Variants in SLC44A1 observed in about 807,000 individuals in gnomAD.
SLC44A1 encodes solute carrier family 44 member 1, also known as choline transporter-like protein 1.
Under a neutral mutation model 79.3 loss-of-function variants are expected in SLC44A1, and 26 were observed. That is an observed-to-expected ratio of 0.33 (90% confidence interval 0.24 to 0.46). SLC44A1 has a LOEUF of 0.46. Among genes scored for constraint, SLC44A1 ranks in the 20% least tolerant of loss-of-function variants. The pLI is 1.00. For synonymous variants in SLC44A1, 263 were observed against 286.2 expected, an observed-to-expected ratio of 0.92 and a Z score of 0.82; for missense variants, 688 against 798.1, an observed-to-expected ratio of 0.86 and a Z score of 1.66.
Position 105,365,656 on chromosome 9 carries a change from T to C in SLC44A1, c.1410+17T>C, listed in dbSNP as rs1490154181. On this transcript the variant is annotated intron_variant, in intron 11 of 15. Transcript: ENST00000374720. ...AAAGGAAAGGTAAGGGGAAAATGCA[T>C]TTCTGTACTTTCTGTGGGCACATTC... 1 of 1,606,310 alleles carries C rather than the reference T, an allele frequency of 6.2e-7. No individual in the cohort carries two copies. The highest frequency in any genetic ancestry group is 2.2e-5 in the East Asian group (1 of 44,770).
chr9:105,345,422 C>T (rs1397509207), intron 4 of SLC44A1, among the ~76,000 whole-genome samples: 1 of 152,154 alleles, frequency 6.6e-6, no homozygotes, highest in Non-Finnish European at 1.5e-5. Context: ...TTTGAGGTAT[C>T]TGTAGAACGT....
chr9:105,293,023 G>A (rs1011256977), intron 1 of SLC44A1, among the ~76,000 whole-genome samples: 1 of 152,116 alleles, frequency 6.6e-6, no homozygotes, highest in Admixed American at 6.5e-5. Flanking sequence ...AGAGCATGGT[G>A]GTGTGTGCCT....
intron 15 of SLC44A1, among the ~76,000 whole-genome samples, chr9:105,408,110 C>G (rs1030561581): frequency 6.7e-6 from 1 of 149,228 alleles, no homozygotes; most frequent in African/African-American, 2.5e-5. Context: ...GCCGAGATCT[C>G]GCCACTGCAC....
At chr9:105,386,483 A>G in intron 15 of SLC44A1, 2 of 973,210 alleles carry the variant, frequency 2.1e-6, no homozygotes, top group Non-Finnish European at 2.4e-6. Flanking sequence ...TTTGATTTAT[A>G]GCAAGTTTGT....
chr9:105,339,931 A>G lies in SLC44A1; in HGVS notation c.406+4232A>G, dbSNP rs1283953405. Among the ~76,000 whole-genome samples the G allele has an allele frequency of 2.0e-5, 3 of 152,368 alleles. No homozygotes were observed. The East Asian group carries it at 5.8e-4, about 29-fold the overall frequency. On this transcript the variant is annotated intron_variant, in intron 4 of 15. Transcript: ENST00000374720. ...AAGAATGTCATATGCTACAACTTGCATGAAAATTGAGGACACTATGCTAAG... is the reference window on the plus strand; with the variant it reads ...AAGAATGTCATATGCTACAACTTGCGTGAAAATTGAGGACACTATGCTAAG...
rs140434459 is a variant in SLC44A1, at chr9:105,356,304, A to G, written c.593A>G (p.Asn198Ser). ...GCCCTGATCACCTTTGTCAGTGACAATAGTGTCTTACACAGGCTGATTAGT... is the reference window on the plus strand; with the variant it reads ...GCCCTGATCACCTTTGTCAGTGACAGTAGTGTCTTACACAGGCTGATTAGT... The part of the protein sequence containing the change: ...AEALITFVSD[N>S]SVLHRLISGV... The change falls in exon 6 of 16, where the codon AAT (asparagine) becomes AGT (serine). Residue 198 changes from asparagine to serine, a missense_variant. By Grantham distance (46) the Asn-to-Ser change is conservative (BLOSUM62 1). Coordinates refer to ENST00000374720, the MANE Select transcript of SLC44A1 (RefSeq NM_080546.5). The G allele has an allele frequency of 4.4e-5, 71 of 1,613,180 alleles. No individual in the cohort carries two copies. The African/African-American group carries it at 7.2e-4, about 16-fold the overall frequency.
chr9:105,281,352 T>G (rs1338458557), intron 1 of SLC44A1, among the ~76,000 whole-genome samples: 1 of 152,226 alleles, frequency 6.6e-6, no homozygotes, highest in Non-Finnish European at 1.5e-5. Context: ...ACTCTCTTCC[T>G]TGATAAGGTG....
chr9:105,386,448 G>A, intron 15 of SLC44A1: 1 of 983,700 alleles, frequency 1.0e-6, no homozygotes, highest in South Asian at 4.7e-5. Context: ...TTTCCTTTCT[G>A]TCTTCTTTAC....
intron 15 of SLC44A1, among the ~76,000 whole-genome samples, chr9:105,422,312 CAG>C (rs1829263664): frequency 9.2e-6 from 1 of 109,178 alleles, no homozygotes; most frequent in Non-Finnish European, 1.7e-5. Flanking sequence ...TTTTTTGAGA[CAG>C]AGTCTTACTC....
At chr9:105,399,786 T>C (rs1300740824), downstream of SLC44A1, among the ~76,000 whole-genome samples, 1 of 152,242 alleles carries the variant, frequency 6.6e-6, no homozygotes, top group Non-Finnish European at 1.5e-5. Flanking sequence ...ATCTCATTTA[T>C]ATGAAATAAA....
rs1481581334 is a variant in SLC44A1, at chr9:105,309,801, C to A, written c.204C>A (p.Ile68=). The change falls in exon 3 of 16, where the codon ATC becomes ATA. Residue 68 remains isoleucine, a synonymous_variant. Transcript: ENST00000374720. Reference sequence around the variant, plus strand: ...CAGGATACGACAGCTATGGAAATATCTGTGGGCAGAAAAATACAAAGTTGG... The same window carrying A: ...CAGGATACGACAGCTATGGAAATATATGTGGGCAGAAAAATACAAAGTTGG... The part of the protein sequence containing the change: ...LVSGYDSYGN[I]CGQKNTKLEA... 1.2e-6 allele frequency: 2 copies of A among 1,613,820 alleles called. No individual in the cohort carries two copies. The highest frequency in any genetic ancestry group is 1.7e-6 in the Non-Finnish European group (2 of 1,179,898).
chr9:105,281,548 G>T (rs976384553), intron 1 of SLC44A1, among the ~76,000 whole-genome samples: 15 of 152,186 alleles, frequency 9.9e-5, no homozygotes, highest in African/African-American at 3.6e-4. Context: ...GGATGTGTCT[G>T]ATACGGGCCA....
intron 15 of SLC44A1, among the ~76,000 whole-genome samples, chr9:105,433,157 A>C (rs1022616978): frequency 6.6e-6 from 1 of 152,006 alleles, no homozygotes; most frequent in African/African-American, 2.4e-5. Context: ...TTAGCCGGGT[A>C]TGGTAGTGTG....
At position 105,389,674 on chromosome 9, in the gene SLC44A1, G is replaced by C. The variant is rs531109067; in HGVS notation, c.*618G>C. ...TACATTTGTCAGCCAACATTAAAAG[G>C]TAACCAACTCCTCAGGTATTTGTAG... On this transcript the variant is annotated 3_prime_UTR_variant, in exon 16 of 16. Transcript: ENST00000374720. 9.0e-5 allele frequency: 111 copies of C among 1,233,988 alleles called. 1 individual carries two copies. In the South Asian group the frequency reaches 3.4e-3, roughly 38 times the overall value. The allele number at this position is 1,233,988 out of a possible 1,614,324, so 76.4% of individuals were successfully genotyped here. A position where few individuals can be genotyped will look rare whatever the true frequency, so the allele number is the denominator to read the frequency against.
chr9:105,364,093 T>C (rs964975363), intron 9 of SLC44A1, among the ~76,000 whole-genome samples: 1 of 152,222 alleles, frequency 6.6e-6, no homozygotes, highest in Non-Finnish European at 1.5e-5. Flanking sequence ...AGGTTAAGCT[T>C]AAATGGAACT....
At chr9:105,365,923 T>A (rs982586428) in intron 11 of SLC44A1, among the ~76,000 whole-genome samples, 1 of 152,220 alleles carries the variant, frequency 6.6e-6, no homozygotes, top group Non-Finnish European at 1.5e-5. Context: ...ACTGTGGGAA[T>A]AACATGCACT....
intron 15 of SLC44A1, among the ~76,000 whole-genome samples, chr9:105,386,996 GCCATTGCATT>G (rs1377071658): frequency 7.5e-6 from 1 of 132,562 alleles, no homozygotes; most frequent in African/African-American, 2.8e-5. Context: ...CCAAGATGGC[GCCATTGCATT>G]CCAGCCTGGG....
At chr9:105,375,402 G>A (rs1564466705) in intron 13 of SLC44A1, among the ~76,000 whole-genome samples, 3 of 152,194 alleles carry the variant, frequency 2.0e-5, no homozygotes, top group Admixed American at 2.0e-4. Context: ...TAGTGGTACT[G>A]CAACTGGAGC....
intron 15 of SLC44A1, among the ~76,000 whole-genome samples, chr9:105,404,157 C>T (rs1282672089): frequency 6.8e-6 from 1 of 147,990 alleles, no homozygotes; most frequent in Non-Finnish European, 1.5e-5. Context: ...ATCGCTTGAA[C>T]CTGGGAGGCG....
Sources: allele counts gnomAD v4.1 joint callset (sites outside exome capture counted in the v4.1 genomes callset), GRCh38; gene constraint gnomAD v4.1.1; transcripts MANE v1.5; gene names NCBI Gene and HGNC (gene_info 2026-07-23, HGNC 2026-07-21).